DNM3: variants seen among roughly 807,000 people sequenced by gnomAD.
DNM3 encodes dynamin-3.
DNM3 carries 47 observed loss-of-function variants against 101.6 expected under a neutral mutation model. That is an observed-to-expected ratio of 0.46 (90% CI 0.37 to 0.59). DNM3 has a LOEUF of 0.59. Ranked by LOEUF, DNM3 falls within the 20% of genes least tolerant of loss-of-function variation. DNM3 has a pLI of 0.00. For synonymous variants in DNM3, 385 were observed against 387.9 expected, an observed-to-expected ratio of 0.99 and a Z score of 0.09; for missense variants, 849 against 1,085.7, an observed-to-expected ratio of 0.78 and a Z score of 3.06.
chr1:171,927,694 C>G (rs947415948), intron 2 of DNM3, among the ~76,000 whole-genome samples: 3 of 152,074 alleles, frequency 2.0e-5, no homozygotes, highest in Admixed American at 2.0e-4. Flanking sequence ...TAAAAAAGAA[C>G]AAGATAATGT....
At chr1:172,059,344 A>G (rs2050948635) in intron 10 of DNM3, among the ~76,000 whole-genome samples, 1 of 126,096 alleles carries the variant, frequency 7.9e-6, no homozygotes, top group East Asian at 2.4e-4. Context: ...AACTCATTTT[A>G]TGAGGCCAGC....
intron 1 of DNM3, among the ~76,000 whole-genome samples, chr1:171,857,443 T>C (rs530693851): frequency 6.6e-6 from 1 of 152,150 alleles, no homozygotes; most frequent in East Asian, 1.9e-4. Context: ...GATAGTAAAA[T>C]TCATAGAAGT....
intron 14 of DNM3, among the ~76,000 whole-genome samples, chr1:172,217,122 C>A (rs2060728038): frequency 6.6e-6 from 1 of 152,140 alleles, no homozygotes; most frequent in African/African-American, 2.4e-5. Context: ...TTATAGTCCA[C>A]AAGCACTATG....
At chr1:171,970,812 A>C (rs17472925) in intron 2 of DNM3, among the ~76,000 whole-genome samples, 2 of 148,696 alleles carry the variant, frequency 1.3e-5, no homozygotes, top group Non-Finnish European at 3.0e-5. Context: ...GGATTTTTTT[A>C]AAATTTCTTC....
At chr1:172,017,838 T>A (rs2047550152) in intron 4 of DNM3, among the ~76,000 whole-genome samples, 1 of 152,164 alleles carries the variant, frequency 6.6e-6, no homozygotes, top group East Asian at 1.9e-4. Flanking sequence ...ATCCGTTTCT[T>A]TGCAGTTCTT....
intron 16 of DNM3, chr1:172,310,044 A>G (rs2065014386): frequency 6.6e-6 from 1 of 152,238 alleles, no homozygotes; most frequent in East Asian, 1.9e-4. Flanking sequence ...GTCAATAGCC[A>G]GGAGTACAGA....
At chr1:171,894,781 C>A (rs961022970) in intron 1 of DNM3, among the ~76,000 whole-genome samples, 2 of 140,982 alleles carry the variant, frequency 1.4e-5, no homozygotes, top group Non-Finnish European at 3.1e-5. Flanking sequence ...GTTCCCTGCC[C>A]TGTGTCCAAG....
intron 20 of DNM3, among the ~76,000 whole-genome samples, chr1:172,417,965 C>G (rs1479963164): frequency 6.6e-6 from 1 of 152,166 alleles, no homozygotes; most frequent in South Asian, 2.1e-4. Flanking sequence ...AGTCCCAGTT[C>G]TCCTGAATAA....
intron 14 of DNM3, among the ~76,000 whole-genome samples, chr1:172,245,571 G>C (rs1475483325): frequency 6.6e-6 from 1 of 152,164 alleles, no homozygotes; most frequent in African/African-American, 2.4e-5. Context: ...TGCCTGGTTG[G>C]GTAGACATGG....
chr1:172,146,534 A>G (rs1384457682), intron 14 of DNM3, among the ~76,000 whole-genome samples: 1 of 152,112 alleles, frequency 6.6e-6, no homozygotes, highest in Non-Finnish European at 1.5e-5. Context: ...GTGCTTGCAC[A>G]AGCCCATAAG....
At chr1:172,089,157 A>G (rs1054078628) in intron 12 of DNM3, among the ~76,000 whole-genome samples, 1 of 151,494 alleles carries the variant, frequency 6.6e-6, no homozygotes, top group East Asian at 2.0e-4. Context: ...GCTTTCTATT[A>G]CATCCTCACA....
intron 13 of DNM3, among the ~76,000 whole-genome samples, chr1:172,123,299 G>T (rs1166524555): frequency 6.6e-6 from 1 of 152,006 alleles, no homozygotes; most frequent in African/African-American, 2.4e-5. Context: ...TTATTTTCTT[G>T]TTTTCACAAC....
At chr1:172,324,906 G>A (rs2065878196) in intron 17 of DNM3, among the ~76,000 whole-genome samples, 1 of 152,138 alleles carries the variant, frequency 6.6e-6, no homozygotes, top group South Asian at 2.1e-4. Flanking sequence ...GCATGCTGAA[G>A]ACCAGGGAGC....
At chr1:172,056,752 A>G (rs1206051986) in intron 10 of DNM3, among the ~76,000 whole-genome samples, 1 of 152,202 alleles carries the variant, frequency 6.6e-6, no homozygotes, top group East Asian at 1.9e-4. Flanking sequence ...AAAAAACAGA[A>G]CAGAAAAACT....
chr1:172,285,026 A>G (rs2063642699), intron 15 of DNM3, among the ~76,000 whole-genome samples: 1 of 152,156 alleles, frequency 6.6e-6, no homozygotes, highest in African/African-American at 2.4e-5. Flanking sequence ...CAGTCAGGGG[A>G]ATAGAGGCAA....
intron 14 of DNM3, among the ~76,000 whole-genome samples, chr1:172,230,775 C>A (rs1423648743): frequency 6.6e-6 from 1 of 152,124 alleles, no homozygotes; most frequent in Non-Finnish European, 1.5e-5. Context: ...GGTTACTTTT[C>A]TAGCCATATC....
chr1:172,250,657 C>T (rs1426210361), intron 14 of DNM3, among the ~76,000 whole-genome samples: 1 of 151,992 alleles, frequency 6.6e-6, no homozygotes, highest in African/African-American at 2.4e-5. Context: ...ACTCTTCAAA[C>T]ACGATGTGAC....
intron 2 of DNM3, among the ~76,000 whole-genome samples, chr1:171,974,716 A>C (rs1305456535): frequency 2.0e-5 from 3 of 152,244 alleles, no homozygotes; most frequent in Non-Finnish European, 4.4e-5. Context: ...AAAATTATCT[A>C]AGGGAAACTT....
At chr1:172,141,067 A>G (rs376155608) in intron 14 of DNM3, among the ~76,000 whole-genome samples, 216 of 152,130 alleles carry the variant, frequency 1.4e-3, no homozygotes, top group African/African-American at 5.0e-3. Context: ...AATGTAAGAA[A>G]AGAATTGTCT....
Sources: gnomAD v4.1 joint callset for allele counts (sites outside exome capture counted in the v4.1 genomes callset) on GRCh38, gnomAD v4.1.1 for gene constraint, MANE v1.5 for transcripts, NCBI Gene and HGNC (gene_info 2026-07-23, HGNC 2026-07-21) for gene names.